BDH1: variants seen among roughly 807,000 people sequenced by gnomAD.
BDH1 encodes 3-hydroxybutyrate dehydrogenase 1.
In BDH1, 30 loss-of-function variants were observed where a neutral mutation model predicts 33.1. That is an observed-to-expected ratio of 0.91 (90% CI 0.68 to 1.23). The LOEUF (loss-of-function observed/expected upper bound fraction) is 1.23. Among genes scored for constraint, BDH1 ranks in the 50% most tolerant of loss-of-function variants. The pLI, the probability that BDH1 is intolerant of heterozygous loss-of-function variation, is 0.00. For missense variants in BDH1, 443 were observed against 464.4 expected (o/e 0.95, Z 0.42); for synonymous variants, 190 against 183.6 (o/e 1.03, Z -0.28).
upstream of BDH1, among the ~76,000 whole-genome samples, chr3:197,557,102 C>T (rs1560344751): frequency 6.6e-6 from 1 of 152,200 alleles, no homozygotes; most frequent in Non-Finnish European, 1.5e-5. This position sits in a 1 kb window ranked among gnomAD's most constrained non-coding sequence, Gnocchi z 4.6. Flanking sequence ...TACCTATAAC[C>T]TGGGGGCTCC....
intron 4 of BDH1, among the ~76,000 whole-genome samples, chr3:197,532,902 G>A (rs1170445395): frequency 6.6e-6 from 1 of 152,162 alleles, no homozygotes; most frequent in Admixed American, 6.5e-5. Flanking sequence ...TTGAGATGGA[G>A]TTTGGCTCTT....
chr3:197,558,924 T>A (rs549575227), upstream of BDH1, among the ~76,000 whole-genome samples: 9 of 151,966 alleles, frequency 5.9e-5, no homozygotes, highest in Non-Finnish European at 1.0e-4. Context: ...GAACCTCTCC[T>A]AGAAAGTAGT....
rs752966919 is a variant in BDH1, at chr3:197,533,484, C to T, written c.156+5G>A. 7.4e-6 allele frequency: 12 copies of T among 1,614,250 alleles called. No homozygotes were observed. In the South Asian group the frequency reaches 8.8e-5, roughly 12 times the overall value. On this transcript the variant is annotated splice_donor_5th_base_variant and intron_variant, in intron 4 of 7. Transcript: ENST00000392379. ...TGGCTCCCGGGTAGCTGGGCTTCCA[C>T]TCACCGGCTCCGCCGCACTGGCATA...
chr3:197,533,729 A>T (rs1470655264), intron 3 of BDH1, 168 bp from the exon 4 acceptor site: 1 of 631,070 alleles, frequency 1.6e-6, no homozygotes, highest in Non-Finnish European at 2.8e-6. Flanking sequence ...GCTGATAGAA[A>T]GTGAGCCAGT....
intron 5 of BDH1, among the ~76,000 whole-genome samples, chr3:197,524,210 T>C (rs761696924): frequency 2.6e-5 from 4 of 152,340 alleles, no homozygotes; most frequent in Non-Finnish European, 4.4e-5. Flanking sequence ...GTGCATGGCA[T>C]AGTGACACCT....
chr3:197,510,602 GTGT>G lies in BDH1; in HGVS notation c.*1290_*1292del, dbSNP rs1560296084. On this transcript the variant is annotated 3_prime_UTR_variant, in exon 8 of 8. Coordinates refer to ENST00000392379, the MANE Select transcript of BDH1 (RefSeq NM_203314.3). ...CGCTGAAGCCCTGCAGAACAGGGGT[GTGT>G]GTGTGTGTGTGTGTGTGTGTGTGTG... 5.3e-4 allele frequency: 9 copies of G among 17,128 alleles called. No homozygotes were observed. Among genetic ancestry groups the G allele is most frequent in the African/African-American group, 1.8e-3 (4 of 2,252 alleles). The allele number at this position is 17,128 out of a possible 1,614,324, so 1.1% of individuals were successfully genotyped here.
At chr3:197,558,808 CT>C (rs1717166249), upstream of BDH1, among the ~76,000 whole-genome samples, 1 of 152,168 alleles carries the variant, frequency 6.6e-6, no homozygotes. Flanking sequence ...AGCCTTGAAG[CT>C]GTTTTTGAAG....
At position 197,539,912 on chromosome 3, in the gene BDH1, G is replaced by A. The variant is rs140940616; in HGVS notation, c.84-6351C>T. Among the ~76,000 whole-genome samples the A allele has an allele frequency of 9.4e-3, 1,439 of 152,278 alleles. 21 individuals carry two copies. Among genetic ancestry groups the A allele is most frequent in the African/African-American group, 0.032 (1,336 of 41,530 alleles). On this transcript the variant is annotated intron_variant, in intron 3 of 7. Transcript: ENST00000392379. ...TGGTCTCTTGCACAGCCGGCTCTGC[G>A]TGAATTACTCTTTGTCTACTGCAAG...
chr3:197,534,634 G>T (rs1219912030), intron 3 of BDH1, among the ~76,000 whole-genome samples: 1 of 152,158 alleles, frequency 6.6e-6, no homozygotes, highest in East Asian at 1.9e-4. Flanking sequence ...TGCAGGTTTA[G>T]TTTTTTAAGA....
At position 197,514,026 on chromosome 3, in the gene BDH1, T is replaced by C; in HGVS notation, c.562+238A>G. 3.9e-6 allele frequency: 2 copies of C among 513,102 alleles called. No homozygotes were observed. The highest frequency in any genetic ancestry group is 6.8e-6 in the Non-Finnish European group (2 of 293,440). 31.8% of individuals were successfully genotyped at this position (513,102 alleles called of 1,614,324 possible). A position where few individuals can be genotyped will look rare whatever the true frequency, so the allele number is the denominator to read the frequency against. On this transcript the variant is annotated intron_variant, in intron 7 of 7. Coordinates refer to ENST00000392379, the MANE Select transcript of BDH1 (RefSeq NM_203314.3). The surrounding 1 kb of genome is among the most constrained non-coding windows in gnomAD (Gnocchi z 4.2). ...TGCAGAGTGGATGGCTGCTCAACTCTTTAAGCTTTTGCTGCATGGACCACT... is the reference window on the plus strand; with the variant it reads ...TGCAGAGTGGATGGCTGCTCAACTCCTTAAGCTTTTGCTGCATGGACCACT...
chr3:197,529,319 C>A (rs1363862663), intron 5 of BDH1: 1 of 152,224 alleles, frequency 6.6e-6, no homozygotes, highest in Non-Finnish European at 1.5e-5. Context: ...ATCCCTAATC[C>A]AATAATCCCA....
intron 1 of BDH1, among the ~76,000 whole-genome samples, chr3:197,572,624 C>T (rs1379270626): frequency 6.6e-6 from 1 of 152,178 alleles, no homozygotes; most frequent in African/African-American, 2.4e-5. Flanking sequence ...ATAGTCCCAG[C>T]TACTCAGGAG....
Position 197,511,806 on chromosome 3 carries a change from C to T in BDH1, c.*89G>A, listed in dbSNP as rs1712047057. 7.8e-7 allele frequency: 1 copy of T among 1,277,684 alleles called. No individual in the cohort carries two copies. Among genetic ancestry groups the T allele is most frequent in the Non-Finnish European group, 1.1e-6 (1 of 922,332 alleles). 79.1% of individuals were successfully genotyped at this position (1,277,684 alleles called of 1,614,324 possible). A position where few individuals can be genotyped will look rare whatever the true frequency, so the allele number is the denominator to read the frequency against. ...TCTTCCTGGCATGGTGGATAATCCA[C>T]ACGTGGATAATCAAGAGTTGACTAT... On this transcript the variant is annotated 3_prime_UTR_variant, in exon 8 of 8. Transcript: ENST00000392379.
intron 3 of BDH1, chr3:197,543,194 T>C (rs1715801191): frequency 8.1e-6 from 8 of 985,050 alleles, no homozygotes; most frequent in Non-Finnish European, 9.6e-6. Context: ...GAGGAACACA[T>C]ATCAGTGGCA....
At chr3:197,545,220 A>C (rs1715973486) in intron 3 of BDH1, among the ~76,000 whole-genome samples, 1 of 152,220 alleles carries the variant, frequency 6.6e-6, no homozygotes, top group African/African-American at 2.4e-5. Context: ...AAAATGTGGC[A>C]GCAGAGCCCA....
rs574292074 is a variant in BDH1, at chr3:197,514,874, T to C, written c.410-458A>G. 6.6e-6 allele frequency among the ~76,000 whole-genome samples: 1 copy of C among 152,192 alleles called. No individual in the cohort carries two copies. The highest frequency in any genetic ancestry group is 2.4e-5 in the African/African-American group (1 of 41,518). On this transcript the variant is annotated intron_variant, in intron 6 of 7. Coordinates refer to ENST00000392379, the MANE Select transcript of BDH1 (RefSeq NM_203314.3). The surrounding 1 kb of genome is among the most constrained non-coding windows in gnomAD (Gnocchi z 4.2). The stretch of plus-strand genomic sequence containing the variant: ...GAAGCCAGGGAAATCACAGGGGAGG[T>C]GGGCACGAGGAGGCAGCTGTGTTTT...
upstream of BDH1, among the ~76,000 whole-genome samples, chr3:197,560,028 C>T (rs1004519882): frequency 1.3e-5 from 2 of 152,242 alleles, no homozygotes; most frequent in African/African-American, 4.8e-5. Context: ...GTATTCAGCA[C>T]TCAGCACACT....
chr3:197,564,438 A>G (rs1717368145), intron 1 of BDH1, among the ~76,000 whole-genome samples: 1 of 152,180 alleles, frequency 6.6e-6, no homozygotes. Flanking sequence ...GTCTCTCTGT[A>G]TGAGGTTTTA....
At position 197,554,866 on chromosome 3, in the gene BDH1, G is replaced by C. The variant is rs1716878236; in HGVS notation, c.-195-153C>G. Among the ~76,000 whole-genome samples, 1 of 152,350 alleles carries C rather than the reference G, an allele frequency of 6.6e-6. No homozygotes were observed. Among genetic ancestry groups the C allele is most frequent in the Admixed American group, 6.5e-5 (1 of 15,312 alleles). The stretch of plus-strand genomic sequence containing the variant: ...CCGACCGGAGCGCTCAAACCCACAG[G>C]GTATCTATCAGGCGCGCGTCAGCAC... On this transcript the variant is annotated intron_variant, in intron 1 of 7. Transcript: ENST00000392379. This position sits in a 1 kb window ranked among gnomAD's most constrained non-coding sequence, Gnocchi z 4.4.
Sources: allele counts gnomAD v4.1 joint callset (sites outside exome capture counted in the v4.1 genomes callset), GRCh38; gene constraint gnomAD v4.1.1; non-coding constraint Gnocchi (gnomAD v3.1); transcripts MANE v1.5; gene names NCBI Gene and HGNC (gene_info 2026-07-23, HGNC 2026-07-21).